ASTN2: variants seen among roughly 807,000 people sequenced by gnomAD.
The protein encoded by ASTN2 is astrotactin 2, also known as astrotactin-2.
ASTN2 carries 54 observed loss-of-function variants against 139.8 expected under a neutral mutation model. The ratio of observed to expected loss-of-function variants is 0.39; its 90% CI spans 0.31 to 0.48. ASTN2 has a LOEUF of 0.48. ASTN2 is among the 20% of genes least tolerant of loss of function. The pLI, the probability that ASTN2 is intolerant of heterozygous loss-of-function variation, is 0.95. For missense variants in ASTN2, 1,565 were observed against 1,725.1 expected, an observed-to-expected ratio of 0.91 and a Z score of 1.64; for synonymous variants, 756 against 719.5, an observed-to-expected ratio of 1.05 and a Z score of -0.81.
chr9:117,261,862 C>T (rs1367442553), intron 2 of ASTN2, among the ~76,000 whole-genome samples: 1 of 152,134 alleles, frequency 6.6e-6, no homozygotes, highest in African/African-American at 2.4e-5. Flanking sequence ...GAAGAAGGAT[C>T]TTTTACTGTT....
In ASTN2 at chr9:116,424,898, C is replaced by T. The variant is rs994952632; in HGVS notation, c.*953G>A. Among the ~76,000 whole-genome samples, 3 of 152,084 alleles carry T rather than the reference C, an allele frequency of 2.0e-5. No individual in the cohort carries two copies. Among genetic ancestry groups the T allele is most frequent in the African/African-American group, 7.2e-5 (3 of 41,424 alleles). ...GCCACTGTGCCTGGCAAGCAAATCC[C>T]ATCTTTTTCACCTCTCTGTCTGGCT... On this transcript the variant is annotated 3_prime_UTR_variant, in exon 23 of 23. Transcript: ENST00000313400.
intron 10 of ASTN2, among the ~76,000 whole-genome samples, chr9:116,921,527 G>T (rs1201776178): frequency 2.0e-5 from 3 of 149,330 alleles, no homozygotes; most frequent in Admixed American, 1.3e-4. Context: ...AGCGGAGCTT[G>T]CAGTGAGCCG....
chr9:116,896,247 G>C (rs555443772), intron 10 of ASTN2, among the ~76,000 whole-genome samples: 1 of 152,316 alleles, frequency 6.6e-6, no homozygotes, highest in African/African-American at 2.4e-5. Context: ...CCAAGGAATG[G>C]AGGAAAGCAA....
chr9:117,253,105 T>C (rs574305698), intron 2 of ASTN2, among the ~76,000 whole-genome samples: 2 of 152,208 alleles, frequency 1.3e-5, no homozygotes, highest in Admixed American at 6.5e-5. Flanking sequence ...TATTGGGCAG[T>C]CATTGGTGGC....
At chr9:117,111,316 A>G (rs1829242813) in intron 4 of ASTN2, among the ~76,000 whole-genome samples, 1 of 152,322 alleles carries the variant, frequency 6.6e-6, no homozygotes, top group South Asian at 2.1e-4. Context: ...AGCTGTGATC[A>G]GTTGGGTAAA....
At chr9:117,386,041 C>G (rs927039902) in intron 1 of ASTN2, among the ~76,000 whole-genome samples, 1 of 152,072 alleles carries the variant, frequency 6.6e-6, no homozygotes, top group Non-Finnish European at 1.5e-5. Context: ...TCCCTGGAAC[C>G]CTGTCCCTTT....
chr9:117,270,213 C>G (rs1199912582), intron 2 of ASTN2, among the ~76,000 whole-genome samples: 3 of 152,150 alleles, frequency 2.0e-5, no homozygotes, highest in Non-Finnish European at 4.4e-5. Context: ...GAGATATACT[C>G]TCTTTACAAA....
intron 2 of ASTN2, among the ~76,000 whole-genome samples, chr9:117,241,486 G>A (rs1833204567): frequency 6.6e-6 from 1 of 152,146 alleles, no homozygotes; most frequent in Non-Finnish European, 1.5e-5. Context: ...GACTTATGGG[G>A]GGCCTGTGGT....
chr9:116,794,346 C>G (rs1830636264), intron 13 of ASTN2, among the ~76,000 whole-genome samples: 1 of 152,134 alleles, frequency 6.6e-6, no homozygotes, highest in Admixed American at 6.5e-5. Flanking sequence ...GATCCACCCA[C>G]TTCGGCCTCC....
chr9:116,698,132 T>A lies in ASTN2; in HGVS notation c.2806+27639A>T. ...CCTGCCGGGAGGCAGACCATCAGCC[T>A]CCTGGCCACTGTACACTCCCTGTCA... On this transcript the variant is annotated intron_variant, in intron 16 of 22. Coordinates refer to ENST00000313400, the MANE Select transcript of ASTN2 (RefSeq NM_001365068.1). This position sits in a 1 kb window ranked among gnomAD's most constrained non-coding sequence, Gnocchi z 4.4. 1 of 1,614,134 alleles carries A rather than the reference T, an allele frequency of 6.2e-7. No homozygotes were observed. Among genetic ancestry groups the A allele is most frequent in the Admixed American group, 1.7e-5 (1 of 60,028 alleles).
chr9:117,160,398 AG>A (rs1176027935), intron 3 of ASTN2, among the ~76,000 whole-genome samples: 3 of 118,158 alleles, frequency 2.5e-5, no homozygotes, highest in African/African-American at 9.6e-5. Flanking sequence ...ACAATAACAC[AG>A]GACCAATCTC....
Position 117,060,385 on chromosome 9 carries a change from A to G in ASTN2, c.1277-20420T>C, listed in dbSNP as rs865924117. On this transcript the variant is annotated intron_variant, in intron 5 of 22. Transcript: ENST00000313400. ...AAGAAAGAAAGAAAGAAAGAAAGAA[A>G]GAAAGAAAGAAAGAAAGAAAGAAAG... Among the ~76,000 whole-genome samples, 26 of 76,956 alleles carry G rather than the reference A, an allele frequency of 3.4e-4. 1 individual carries two copies. The highest frequency in any genetic ancestry group is 8.9e-4 in the South Asian group (2 of 2,236). 50.5% of individuals were successfully genotyped at this position (76,956 alleles called of 152,430 possible). A position where few individuals can be genotyped will look rare whatever the true frequency, so the allele number is the denominator to read the frequency against.
intron 10 of ASTN2, among the ~76,000 whole-genome samples, chr9:116,898,862 G>A (rs1400134653): frequency 2.0e-5 from 3 of 151,948 alleles, no homozygotes; most frequent in Non-Finnish European, 4.4e-5. Flanking sequence ...TTGTAGAGAT[G>A]GGTCTCACTA....
At chr9:116,946,919 CA>C (rs938714631) in intron 10 of ASTN2, among the ~76,000 whole-genome samples, 5 of 100,434 alleles carry the variant, frequency 5.0e-5, no homozygotes, top group African/African-American at 2.1e-4. Context: ...TGAGTGGCCA[CA>C]AGTACACATT....
intron 1 of ASTN2, among the ~76,000 whole-genome samples, chr9:117,362,213 A>G (rs1373667622): frequency 2.0e-5 from 3 of 152,152 alleles, no homozygotes; most frequent in African/African-American, 7.2e-5. Context: ...ATCTCAGGTG[A>G]TATAACTACC....
chr9:117,367,330 C>T (rs757282983), intron 1 of ASTN2, among the ~76,000 whole-genome samples: 1 of 152,166 alleles, frequency 6.6e-6, no homozygotes, highest in Admixed American at 6.5e-5. Context: ...AAAGGGAGTA[C>T]AGTGATGAGT....
intron 16 of ASTN2, among the ~76,000 whole-genome samples, chr9:116,664,415 AAT>A (rs1858742761): frequency 6.8e-6 from 1 of 147,358 alleles, no homozygotes; most frequent in African/African-American, 2.5e-5. Flanking sequence ...TTTGTATAGA[AAT>A]ATATATAATA....
intron 1 of ASTN2, among the ~76,000 whole-genome samples, chr9:117,391,645 C>T (rs1365506710): frequency 1.3e-5 from 2 of 152,020 alleles, no homozygotes; most frequent in African/African-American, 4.8e-5. Flanking sequence ...GCCCCTGGCC[C>T]CTCCCAAATC....
At chr9:116,805,953 A>G in intron 12 of ASTN2, 133 bp from the exon 13 acceptor site, 1 of 832,408 alleles carries the variant, frequency 1.2e-6, no homozygotes, top group Non-Finnish European at 1.9e-6. Flanking sequence ...TCTACCTGGA[A>G]TCTATCTAGG....
Sources: allele counts gnomAD v4.1 joint callset (sites outside exome capture counted in the v4.1 genomes callset), GRCh38; gene constraint gnomAD v4.1.1; non-coding constraint Gnocchi (gnomAD v3.1); transcripts MANE v1.5; gene names NCBI Gene and HGNC (gene_info 2026-07-23, HGNC 2026-07-21).